CCDC141: variants seen among roughly 807,000 people sequenced by gnomAD.
The protein encoded by CCDC141 is coiled-coil domain-containing protein 141.
In CCDC141, 168 loss-of-function variants were observed where a neutral mutation model predicts 181.0. The observed-to-expected ratio is 0.93, with a 90% CI of 0.82 to 1.05. The LOEUF (loss-of-function observed/expected upper bound fraction) is 1.05, where lower values mean the gene tolerates loss of function less well. CCDC141 is among the 50% of genes least tolerant of loss of function. CCDC141 has a pLI of 0.00. For missense variants in CCDC141, 1,902 were observed against 1,788.5 expected (o/e 1.06, Z -1.14); for synonymous variants, 666 against 642.3 (o/e 1.04, Z -0.56).
intron 12 of CCDC141, chr2:178,873,679 A>ATC (rs1686222488): frequency 6.6e-6 from 1 of 152,190 alleles, no homozygotes; most frequent in East Asian, 1.9e-4. Context: ...TTGGCAGACG[A>ATC]ATATTTTGGC....
intron 6 of CCDC141, among the ~76,000 whole-genome samples, chr2:178,930,027 C>T (rs1343450290): frequency 1.3e-5 from 2 of 152,044 alleles, no homozygotes; most frequent in Admixed American, 1.3e-4. Context: ...GAAGGGGAAA[C>T]TTGCAGATGA....
In CCDC141 at chr2:178,994,574, A is replaced by G. The variant is rs112677905; in HGVS notation, c.226-15899T>C. The stretch of plus-strand genomic sequence containing the variant: ...TGTGAAGACCTCTGACATGCCCTGG[A>G]GACATTTTCATCATTTTCTTGGGGA... On this transcript the variant is annotated intron_variant, in intron 2 of 23. Transcript: ENST00000443758. Among the ~76,000 whole-genome samples, 585 of 152,324 alleles carry G rather than the reference A, an allele frequency of 3.8e-3. 3 individuals are homozygous for G. Among genetic ancestry groups the G allele is most frequent in the African/African-American group, 0.014 (567 of 41,566 alleles).
rs574801344 is a variant in CCDC141, at chr2:178,830,780, T to C, written c.*3393A>G. On this transcript the variant is annotated 3_prime_UTR_variant, in exon 24 of 24. Transcript: ENST00000443758. ...GGGTCAGGAGGCTTCCCAGGGGAAG[T>C]TGTGTCTCAGCAGAACTGGAACATA... 7 of 152,376 alleles carry C rather than the reference T, an allele frequency of 4.6e-5. No homozygotes were observed. Among genetic ancestry groups the C allele is most frequent in the Non-Finnish European group, 5.9e-5 (4 of 68,122 alleles). The allele number at this position is 152,376 out of a possible 1,614,324, so 9.4% of individuals were successfully genotyped here.
chr2:178,869,042 T>A (rs1406441953), intron 15 of CCDC141, 75 bp downstream of exon 15: 11 of 1,135,260 alleles, frequency 9.7e-6, no homozygotes, highest in Non-Finnish European at 1.2e-5. Flanking sequence ...TGGCCTTTAT[T>A]TATTATATAA....
chr2:178,837,509 G>T lies in CCDC141; in HGVS notation c.3710C>A (p.Pro1237His). Reference sequence around the variant, plus strand: ...GTGAAGGCTGAGGGAGGAGCTGACAGGCTCTTCCACCTCCATGTCAGATGG... The same window carrying T: ...GTGAAGGCTGAGGGAGGAGCTGACATGCTCTTCCACCTCCATGTCAGATGG... Reference protein sequence around the residue: ...LAPSDMEVEEPVSSSLSLHIS... With the variant: ...LAPSDMEVEEHVSSSLSLHIS... The change falls in exon 23 of 24, where the codon CCT (proline) becomes CAT (histidine). Residue 1237 changes from proline to histidine, a missense_variant. Physicochemically the swap from Pro to His is moderately conservative, Grantham distance 77. Transcript: ENST00000443758. The T allele has an allele frequency of 6.2e-7, 1 of 1,614,042 alleles. No homozygotes were observed. Among genetic ancestry groups the T allele is most frequent in the Non-Finnish European group, 8.5e-7 (1 of 1,179,962 alleles).
chr2:178,837,863 G>C (rs982236856), intron 22 of CCDC141, 119 bp from the exon 23 acceptor site: 3 of 1,132,404 alleles, frequency 2.6e-6, no homozygotes, highest in Admixed American at 5.4e-5. Context: ...TTAAAATTTA[G>C]GGGGCTGGAG....
intron 2 of CCDC141, among the ~76,000 whole-genome samples, chr2:178,997,612 T>C (rs866071474): frequency 6.6e-6 from 1 of 152,274 alleles, no homozygotes; most frequent in Middle Eastern, 3.4e-3. Flanking sequence ...TAGTAGTGAT[T>C]GGAGGGGCTT....
Position 178,865,838 on chromosome 2 carries a change from T to C in CCDC141, c.2653A>G (p.Lys885Glu), listed in dbSNP as rs766992230. ...AGGGTCCGTCCATACTCCTCAGCTT[T>C]GGCACGCCACTTCATGCTGTCCTCC... ...LEEDSMKWRAKAEEYGRTLSR... is the reference protein window; with the variant it reads ...LEEDSMKWRAEAEEYGRTLSR... The change falls in exon 17 of 24, where the codon AAA becomes GAA. Residue 885 changes from lysine (K) to glutamate (E), a missense_variant. Coordinates refer to ENST00000443758, the MANE Select transcript of CCDC141 (RefSeq NM_173648.4). The C allele has an allele frequency of 6.2e-7, 1 of 1,607,714 alleles. No individual in the cohort carries two copies. The highest frequency in any genetic ancestry group is 8.5e-7 in the Non-Finnish European group (1 of 1,176,700).
chr2:179,023,774 A>C (rs1278759581), intron 2 of CCDC141, among the ~76,000 whole-genome samples: 1 of 152,248 alleles, frequency 6.6e-6, no homozygotes, highest in Non-Finnish European at 1.5e-5. Flanking sequence ...GATGAGGAAG[A>C]GCCTTGGAGC....
intron 8 of CCDC141, among the ~76,000 whole-genome samples, chr2:178,890,816 G>C (rs1687112690): frequency 6.6e-6 from 1 of 152,164 alleles, no homozygotes; most frequent in African/African-American, 2.4e-5. Context: ...ATAGATTATA[G>C]ATGCACACTT....
At chr2:178,981,636 G>GTATATATATATATATGTATATATATA (rs1553495301) in intron 2 of CCDC141, among the ~76,000 whole-genome samples, 22 of 62,396 alleles carry the variant, frequency 3.5e-4, no homozygotes, top group African/African-American at 1.0e-3. Flanking sequence ...GTGTGTGTGT[G>GTATATATATATATATGTATATATATA]TATATATATA....
intron 4 of CCDC141, among the ~76,000 whole-genome samples, chr2:178,965,312 A>G (rs1690575125): frequency 1.3e-5 from 2 of 152,232 alleles, no homozygotes; most frequent in Admixed American, 1.3e-4. Context: ...TTAAGATACA[A>G]AAAACATCCA....
At chr2:178,926,117 A>G (rs770681381) in intron 6 of CCDC141, among the ~76,000 whole-genome samples, 19 of 152,094 alleles carry the variant, frequency 1.2e-4, no homozygotes, top group Non-Finnish European at 2.2e-4. Flanking sequence ...CCCCCTATCC[A>G]CTGAATCATA....
chr2:178,832,479 A>AC lies in CCDC141; in HGVS notation c.*1693_*1694insG, dbSNP rs1561614649. The AC allele has an allele frequency of 2.2e-5, 3 of 134,370 alleles. No individual in the cohort carries two copies. The highest frequency in any genetic ancestry group is 7.5e-5 in the Admixed American group (1 of 13,264). 8.3% of individuals were successfully genotyped at this position (134,370 alleles called of 1,614,324 possible). A position where few individuals can be genotyped will look rare whatever the true frequency, so the allele number is the denominator to read the frequency against. The stretch of plus-strand genomic sequence containing the variant: ...AGACTCTTTCTCAAAAAAAAAAAAA[A>AC]AAAACAAAAAAAACAAAAAAAAGAT... On this transcript the variant is annotated 3_prime_UTR_variant, in exon 24 of 24. Coordinates refer to ENST00000443758, the MANE Select transcript of CCDC141 (RefSeq NM_173648.4).
intron 10 of CCDC141, among the ~76,000 whole-genome samples, chr2:178,886,129 G>A (rs1686872029): frequency 6.6e-6 from 1 of 152,156 alleles, no homozygotes; most frequent in South Asian, 2.1e-4. Context: ...GCTGAGAACT[G>A]GAGTCACAGG....
chr2:178,849,976 A>C (rs1685094567), intron 21 of CCDC141, 73 bp downstream of exon 21: 1 of 797,258 alleles, frequency 1.3e-6, no homozygotes, highest in Non-Finnish European at 2.1e-6. Context: ...ATGTCTTTGC[A>C]CCAGAAGACA....
At chr2:178,942,950 A>G (rs1219089647) in intron 6 of CCDC141, among the ~76,000 whole-genome samples, 1 of 152,198 alleles carries the variant, frequency 6.6e-6, no homozygotes, top group Non-Finnish European at 1.5e-5. Flanking sequence ...GCTATAAACT[A>G]TGAGAAAAAC....
intron 4 of CCDC141, among the ~76,000 whole-genome samples, chr2:178,971,634 C>T (rs184106739): frequency 7.0e-4 from 107 of 152,212 alleles, no homozygotes; most frequent in African/African-American, 2.4e-3. Context: ...ATGTTTATTG[C>T]GGTACTATTC....
intron 6 of CCDC141, among the ~76,000 whole-genome samples, chr2:178,934,320 AAGTATTTGTTTGCAT>A (rs1447804665): frequency 6.6e-6 from 1 of 152,182 alleles, no homozygotes; most frequent in East Asian, 1.9e-4. Context: ...AATAATTAGC[AAGTATTTGTTTGCAT>A]AGTATTTTAA....
Sources: allele counts gnomAD v4.1 joint callset (sites outside exome capture counted in the v4.1 genomes callset), GRCh38; gene constraint gnomAD v4.1.1; transcripts MANE v1.5; gene names NCBI Gene and HGNC (gene_info 2026-07-23, HGNC 2026-07-21).